RBFOX1: variants seen among roughly 807,000 people sequenced by gnomAD.
RBFOX1 encodes RNA binding protein fox-1 homolog 1.
In RBFOX1, 8 loss-of-function variants were observed where a neutral mutation model predicts 57.7. That is an observed-to-expected ratio of 0.14 (90% CI 0.08 to 0.25). RBFOX1 has a LOEUF of 0.25. Among genes scored for constraint, RBFOX1 ranks in the 10% least tolerant of loss-of-function variants. The pLI, the probability that RBFOX1 is intolerant of heterozygous loss-of-function variation, is 1.00. For synonymous variants in RBFOX1, 326 were observed against 222.4 expected, an observed-to-expected ratio of 1.47 and a Z score of -4.15; for missense variants, 611 against 548.5, an observed-to-expected ratio of 1.11 and a Z score of -1.14.
chr16:7,272,369 G>A (rs919033456), intron 4 of RBFOX1, among the ~76,000 whole-genome samples: 3 of 151,986 alleles, frequency 2.0e-5, no homozygotes, highest in Admixed American at 6.6e-5. Flanking sequence ...ATTTTTAGTA[G>A]AGACTGTGTT....
intron 9 of RBFOX1, among the ~76,000 whole-genome samples, chr16:7,601,613 G>A (rs1008729617): frequency 6.6e-6 from 1 of 151,988 alleles, no homozygotes; most frequent in African/African-American, 2.4e-5. Flanking sequence ...ATTTATCTAC[G>A]AGGAAAAATC....
chr16:6,536,386 G>C (rs2096735901), intron 2 of RBFOX1, among the ~76,000 whole-genome samples: 1 of 152,118 alleles, frequency 6.6e-6, no homozygotes, highest in Non-Finnish European at 1.5e-5. Context: ...CAAATGTTTT[G>C]CACATTCTAA....
intron 2 of RBFOX1, among the ~76,000 whole-genome samples, chr16:6,567,388 G>T (rs572279204): frequency 1.3e-5 from 2 of 152,122 alleles, no homozygotes; most frequent in African/African-American, 4.8e-5. Context: ...GCTCAGGTTC[G>T]TTTGGTCTTT....
At chr16:6,775,329 CAAAAAAAAAA>C (rs371277644) in intron 3 of RBFOX1, among the ~76,000 whole-genome samples, 2 of 67,336 alleles carry the variant, frequency 3.0e-5, no homozygotes, top group Admixed American at 1.9e-4. Flanking sequence ...GACTCTGTCT[CAAAAAAAAAA>C]AAAAAAAAAA....
chr16:7,708,992 T>A, intron 14 of RBFOX1, 64 bp from the exon 15 acceptor site: 1 of 1,488,446 alleles, frequency 6.7e-7, no homozygotes, highest in Non-Finnish European at 9.4e-7. Flanking sequence ...TTTTGGATTT[T>A]ATGATTGTTA....
chr16:7,394,023 G>A (rs999654509), intron 4 of RBFOX1, among the ~76,000 whole-genome samples: 1 of 151,984 alleles, frequency 6.6e-6, no homozygotes, highest in Non-Finnish European at 1.5e-5. Context: ...ATCACCTGAG[G>A]TCAGGAGTTG....
intron 4 of RBFOX1, among the ~76,000 whole-genome samples, chr16:7,391,461 C>G (rs527629933): frequency 6.6e-6 from 1 of 152,352 alleles, no homozygotes; most frequent in East Asian, 1.9e-4. Context: ...CACATCTGGA[C>G]TTCTTTCCTC....
intron 3 of RBFOX1, among the ~76,000 whole-genome samples, chr16:5,857,271 G>A (rs1432645949): frequency 6.6e-6 from 1 of 152,096 alleles, no homozygotes; most frequent in Non-Finnish European, 1.5e-5. Flanking sequence ...GAAGTTCACA[G>A]CACTCCAAAA....
chr16:5,291,981 G>C (rs558321872), intron 1 of RBFOX1, among the ~76,000 whole-genome samples: 1 of 151,914 alleles, frequency 6.6e-6, no homozygotes, highest in African/African-American at 2.4e-5. Context: ...ACTTTCAAAG[G>C]CCATTTGCAG....
chr16:6,802,488 C>A (rs1603626647), intron 3 of RBFOX1, among the ~76,000 whole-genome samples: 1 of 152,082 alleles, frequency 6.6e-6, no homozygotes, highest in Non-Finnish European at 1.5e-5. Flanking sequence ...ACCAGCCTGA[C>A]CAATTTGGCA....
chr16:6,706,864 A>C (rs140087124), intron 3 of RBFOX1, among the ~76,000 whole-genome samples: 1 of 152,078 alleles, frequency 6.6e-6, no homozygotes, highest in Non-Finnish European at 1.5e-5. Context: ...GTAGGTATCT[A>C]TCTCCTCTAT....
chr16:6,258,866 G>A (rs568217006), intron 1 of RBFOX1, among the ~76,000 whole-genome samples: 4 of 152,124 alleles, frequency 2.6e-5, no homozygotes, highest in Admixed American at 1.3e-4. Flanking sequence ...AACATCTCAT[G>A]TACCCCATAA....
chr16:5,781,818 C>T (rs1164789089), intron 3 of RBFOX1, among the ~76,000 whole-genome samples: 1 of 152,178 alleles, frequency 6.6e-6, no homozygotes, highest in African/African-American at 2.4e-5. Context: ...TCCTCTATGG[C>T]ACTGATATCA....
At chr16:5,678,238 G>C (rs1157536512) in intron 3 of RBFOX1, among the ~76,000 whole-genome samples, 1 of 152,122 alleles carries the variant, frequency 6.6e-6, no homozygotes, top group Admixed American at 6.5e-5. Flanking sequence ...TGTTCTGAAG[G>C]AGCACCAGCC....
intron 4 of RBFOX1, among the ~76,000 whole-genome samples, chr16:7,428,278 G>C (rs1182489008): frequency 6.8e-6 from 1 of 147,290 alleles, no homozygotes; most frequent in African/African-American, 2.5e-5. Flanking sequence ...TTTTTTTGTT[G>C]AATAAGTTTT....
chr16:7,476,123 A>G (rs1352156177), intron 4 of RBFOX1, among the ~76,000 whole-genome samples: 1 of 151,940 alleles, frequency 6.6e-6, no homozygotes. Context: ...ACATCACCAC[A>G]CCCAGCAAAT....
At chr16:6,178,060 T>C (rs2097027398) in intron 1 of RBFOX1, among the ~76,000 whole-genome samples, 1 of 152,126 alleles carries the variant, frequency 6.6e-6, no homozygotes, top group Non-Finnish European at 1.5e-5. Flanking sequence ...ATTTTATTTT[T>C]CCCTAAAATA....
intron 3 of RBFOX1, among the ~76,000 whole-genome samples, chr16:6,978,638 T>C (rs1487130725): frequency 6.6e-6 from 1 of 152,212 alleles, no homozygotes; most frequent in African/African-American, 2.4e-5. Flanking sequence ...ATCGTTTTAA[T>C]GTCCTCATGA....
chr16:7,194,929 C>CAAAAAAA (rs59919051), intron 4 of RBFOX1, among the ~76,000 whole-genome samples: 1 of 134,182 alleles, frequency 7.5e-6, no homozygotes, highest in Non-Finnish European at 1.6e-5. Flanking sequence ...CCCTGTTTCA[C>CAAAAAAA]AAAAAAAAAA....
Sources: allele counts gnomAD v4.1 joint callset (sites outside exome capture counted in the v4.1 genomes callset), GRCh38; gene constraint gnomAD v4.1.1; transcripts MANE v1.5; gene names NCBI Gene and HGNC (gene_info 2026-07-23, HGNC 2026-07-21).